Variants in CSMD3 observed in about 807,000 individuals in gnomAD.
The protein encoded by CSMD3 is CUB and Sushi multiple domains 3.
CSMD3 carries 177 observed loss-of-function variants against 435.2 expected under a neutral mutation model. The observed-to-expected ratio is 0.41, with a 90% CI of 0.36 to 0.46. The LOEUF is 0.46. CSMD3 is among the 20% of genes least tolerant of loss of function. The pLI is 0.34. For synonymous variants in CSMD3, 1,656 were observed against 1,520.5 expected (o/e 1.09, Z -2.07); for missense variants, 4,265 against 4,504.6 (o/e 0.95, Z 1.52).
At chr8:113,417,700 A>G (rs889757096) in intron 1 of CSMD3, among the ~76,000 whole-genome samples, 17 of 152,106 alleles carry the variant, frequency 1.1e-4, no homozygotes, top group African/African-American at 4.1e-4. Flanking sequence ...ACCTGAAACA[A>G]TGCATCCATG....
chr8:112,364,341 T>C (rs1415944211), intron 38 of CSMD3, among the ~76,000 whole-genome samples: 2 of 151,912 alleles, frequency 1.3e-5, no homozygotes, highest in African/African-American at 4.8e-5. Context: ...AGAGAAAATC[T>C]ATTCATTATG....
intron 5 of CSMD3, among the ~76,000 whole-genome samples, chr8:113,032,971 G>A (rs2087182193): frequency 6.6e-6 from 1 of 151,586 alleles, no homozygotes; most frequent in Admixed American, 6.6e-5. Flanking sequence ...AATGGTCCAA[G>A]CCCTAATCCT....
intron 1 of CSMD3, among the ~76,000 whole-genome samples, chr8:113,342,090 AAAC>A (rs1284183629): frequency 6.6e-6 from 1 of 152,150 alleles, no homozygotes; most frequent in Non-Finnish European, 1.5e-5. Context: ...AAGAAAAAAA[AAAC>A]AAGAAGAAAA....
intron 1 of CSMD3, among the ~76,000 whole-genome samples, chr8:113,362,609 C>T (rs993218701): frequency 2.0e-5 from 3 of 152,186 alleles, no homozygotes; most frequent in African/African-American, 4.8e-5. Context: ...GGCAAAACAG[C>T]TCTTTCCCAC....
chr8:112,395,207 C>A (rs1049409475), intron 35 of CSMD3, among the ~76,000 whole-genome samples: 1 of 152,136 alleles, frequency 6.6e-6, no homozygotes, highest in Non-Finnish European at 1.5e-5. Context: ...AGCAGGCTTT[C>A]AAATCAAGCA....
chr8:113,400,465 A>G (rs1337214751), intron 1 of CSMD3, among the ~76,000 whole-genome samples: 1 of 151,996 alleles, frequency 6.6e-6, no homozygotes, highest in African/African-American at 2.4e-5. Context: ...GAGTGATTAT[A>G]TTTAAAAACT....
intron 5 of CSMD3, among the ~76,000 whole-genome samples, chr8:113,060,918 A>C (rs1456072898): frequency 6.6e-6 from 1 of 152,290 alleles, no homozygotes; most frequent in South Asian, 2.1e-4. Flanking sequence ...TGCCAACACC[A>C]ATAATACCCT....
At chr8:113,135,713 G>A (rs542903555) in intron 4 of CSMD3, among the ~76,000 whole-genome samples, 7 of 151,724 alleles carry the variant, frequency 4.6e-5, no homozygotes, top group South Asian at 2.1e-4. Flanking sequence ...CCAAATCTTC[G>A]TTTTCTTAGA....
intron 41 of CSMD3, among the ~76,000 whole-genome samples, chr8:112,343,738 G>A (rs182658261): frequency 2.6e-5 from 4 of 152,094 alleles, no homozygotes; most frequent in East Asian, 1.9e-4. Flanking sequence ...CTCAAACTCC[G>A]GTACTCAAGC....
At chr8:112,559,244 C>T (rs1005590113) in intron 24 of CSMD3, among the ~76,000 whole-genome samples, 1 of 151,822 alleles carries the variant, frequency 6.6e-6, no homozygotes, top group African/African-American at 2.4e-5. Context: ...CAGAAATTTA[C>T]AGAAATCTCT....
intron 6 of CSMD3, among the ~76,000 whole-genome samples, chr8:113,014,684 C>T (rs775604566): frequency 1.1e-4 from 16 of 152,134 alleles, no homozygotes; most frequent in Non-Finnish European, 2.2e-4. Context: ...TAACTACCCC[C>T]AAGGGAAGGA....
chr8:112,453,752 G>GA (rs1816537528), intron 32 of CSMD3, among the ~76,000 whole-genome samples: 1 of 152,022 alleles, frequency 6.6e-6, no homozygotes, highest in Non-Finnish European at 1.5e-5. Flanking sequence ...CACAGAATTA[G>GA]AAAAAATATT....
intron 11 of CSMD3, among the ~76,000 whole-genome samples, chr8:112,837,261 C>A (rs1480292507): frequency 1.3e-5 from 2 of 151,680 alleles, no homozygotes; most frequent in Non-Finnish European, 3.0e-5. Flanking sequence ...GAAGAAAATA[C>A]TCAATATTAG....
chr8:113,037,239 T>A (rs2087393645), intron 5 of CSMD3, among the ~76,000 whole-genome samples: 2 of 152,118 alleles, frequency 1.3e-5, no homozygotes, highest in South Asian at 4.1e-4. Flanking sequence ...TATCTGATAA[T>A]CTGGCAGTTT....
rs567851760 is a variant in CSMD3, at chr8:112,594,382, C to T, written c.3716-7147G>A. Among the ~76,000 whole-genome samples, 19 of 152,192 alleles carry T rather than the reference C, an allele frequency of 1.2e-4. No homozygotes were observed. In the East Asian group the frequency reaches 1.7e-3, roughly 14 times the overall value. ...GGAGGGTCCTACGCCCACAGAGTCTCGCTGATTGCTAGCACAGCAGTCTGA... is the reference window on the plus strand; with the variant it reads ...GGAGGGTCCTACGCCCACAGAGTCTTGCTGATTGCTAGCACAGCAGTCTGA... On this transcript the variant is annotated intron_variant, in intron 22 of 70. Transcript: ENST00000297405.
At chr8:112,709,148 A>C (rs767549735) in intron 13 of CSMD3, among the ~76,000 whole-genome samples, 5 of 152,062 alleles carry the variant, frequency 3.3e-5, no homozygotes, top group African/African-American at 1.2e-4. Context: ...AACACACACA[A>C]AAATAAATAA....
At chr8:112,811,838 A>G (rs1320277171) in intron 12 of CSMD3, among the ~76,000 whole-genome samples, 1 of 152,028 alleles carries the variant, frequency 6.6e-6, no homozygotes, top group Non-Finnish European at 1.5e-5. Flanking sequence ...CTCACTGAAA[A>G]CCCTGCTCTT....
intron 22 of CSMD3, among the ~76,000 whole-genome samples, chr8:112,593,573 T>A (rs1022790260): frequency 2.6e-5 from 4 of 152,148 alleles, no homozygotes; most frequent in African/African-American, 9.7e-5. Context: ...ATGAGATTGA[T>A]CTTTTAAAGC....
chr8:113,258,337 T>TA (rs763884857), intron 3 of CSMD3, among the ~76,000 whole-genome samples: 3 of 152,198 alleles, frequency 2.0e-5, no homozygotes, highest in Non-Finnish European at 2.9e-5. Flanking sequence ...TGCTGCTTGT[T>TA]ATTCTGACAC....
Sources: gnomAD v4.1 joint callset for allele counts (sites outside exome capture counted in the v4.1 genomes callset) on GRCh38, gnomAD v4.1.1 for gene constraint, MANE v1.5 for transcripts, NCBI Gene and HGNC (gene_info 2026-07-23, HGNC 2026-07-21) for gene names.